The following ZNF423 variants were observed in gnomAD, a reference collection of about 807,000 sequenced individuals.
The protein encoded by ZNF423 is Ebf-associated zinc finger protein.
Under a neutral mutation model 95.8 loss-of-function variants are expected in ZNF423, and 12 were observed. The ratio of observed to expected loss-of-function variants is 0.13; its 90% CI spans 0.08 to 0.20. The LOEUF (loss-of-function observed/expected upper bound fraction) is 0.20. Ranked by LOEUF, ZNF423 falls within the 10% of genes least tolerant of loss-of-function variation. ZNF423 has a pLI of 1.00. For missense variants in ZNF423, 1,316 were observed against 1,737.1 expected, an observed-to-expected ratio of 0.76 and a Z score of 4.31; for synonymous variants, 749 against 711.9, an observed-to-expected ratio of 1.05 and a Z score of -0.83.
Position 49,581,141 on chromosome 16 carries a change from T to C in ZNF423, c.3601+45029A>G, listed in dbSNP as rs577362048. On this transcript the variant is annotated intron_variant, in intron 5 of 7. Coordinates refer to ENST00000563137, the MANE Select transcript of ZNF423 (RefSeq NM_001379286.1). The stretch of plus-strand genomic sequence containing the variant: ...AAACAAGGGGGGAAGAGAGGCGGTA[T>C]GTTCCTCCAGCCCCACTGATGTGGG... 7.3e-4 allele frequency among the ~76,000 whole-genome samples: 109 copies of C among 149,894 alleles called. 1 individual carries two copies. The highest frequency in any genetic ancestry group is 2.6e-3 in the African/African-American group (105 of 41,046).
intron 3 of ZNF423, among the ~76,000 whole-genome samples, chr16:49,679,989 C>T (rs963421957): frequency 2.0e-5 from 3 of 152,186 alleles, no homozygotes; most frequent in African/African-American, 4.8e-5. Context: ...CCTGACTCTT[C>T]AGGACAACCT....
intron 5 of ZNF423, 97 bp from the exon 6 acceptor site, chr16:49,525,591 T>C: frequency 6.5e-7 from 1 of 1,535,036 alleles, no homozygotes; most frequent in Non-Finnish European, 8.8e-7. Flanking sequence ...CTAACCCCCC[T>C]CCAATCCCCA....
At chr16:49,712,463 T>C (rs879855779) in intron 3 of ZNF423, among the ~76,000 whole-genome samples, 14 of 152,252 alleles carry the variant, frequency 9.2e-5, no homozygotes, top group Non-Finnish European at 1.9e-4. Context: ...AATCCACTGA[T>C]AGAGGGCTAC....
At chr16:49,523,069 G>C (rs1968463500) in intron 7 of ZNF423, among the ~76,000 whole-genome samples, 1 of 152,186 alleles carries the variant, frequency 6.6e-6, no homozygotes, top group Non-Finnish European at 1.5e-5. Flanking sequence ...CACAGGCTGG[G>C]GATGAGGATG....
intron 1 of ZNF423, among the ~76,000 whole-genome samples, chr16:49,815,899 T>C (rs1201917336): frequency 1.2e-4 from 6 of 49,496 alleles, no homozygotes; most frequent in African/African-American, 5.0e-4. Flanking sequence ...TATATATATA[T>C]ATATATATAT....
intron 1 of ZNF423, chr16:49,854,408 A>AGCCC: frequency 1.0e-6 from 1 of 982,494 alleles, no homozygotes. Flanking sequence ...AGTTCCAGCC[A>AGCCC]TTCCAGCCAG....
chr16:49,553,745 T>C (rs765285321), intron 5 of ZNF423, among the ~76,000 whole-genome samples: 5 of 152,174 alleles, frequency 3.3e-5, no homozygotes, highest in Non-Finnish European at 7.3e-5. Context: ...TAACAACCAC[T>C]CTTAGTAGAT....
chr16:49,669,512 A>T (rs1422902572), intron 3 of ZNF423, among the ~76,000 whole-genome samples: 2 of 152,216 alleles, frequency 1.3e-5, no homozygotes, highest in Non-Finnish European at 2.9e-5. Context: ...TTCTTAAGCT[A>T]AGCCCAGCAG....
chr16:49,647,807 G>C (rs1445480222), intron 3 of ZNF423, among the ~76,000 whole-genome samples: 2 of 152,182 alleles, frequency 1.3e-5, no homozygotes, highest in Admixed American at 6.5e-5. Flanking sequence ...TTTGTTTGTT[G>C]TTTTAAGCCA....
At chr16:49,814,308 T>C (rs12921770) in intron 1 of ZNF423, among the ~76,000 whole-genome samples, 13,174 of 152,080 alleles carry the variant, frequency 0.087, 718 homozygotes, top group African/African-American at 0.15. Flanking sequence ...ATCCCCGACA[T>C]GTCCTGTGCC....
At chr16:49,661,253 G>A (rs1442466198) in intron 3 of ZNF423, among the ~76,000 whole-genome samples, 2 of 151,666 alleles carry the variant, frequency 1.3e-5, no homozygotes, top group East Asian at 1.9e-4. Flanking sequence ...CTCAACAGTG[G>A]GATTTGGGGT....
At chr16:49,817,916 T>TC (rs1274296148) in intron 1 of ZNF423, among the ~76,000 whole-genome samples, 1 of 152,028 alleles carries the variant, frequency 6.6e-6, no homozygotes, top group African/African-American at 2.4e-5. Context: ...GTACCAGGCC[T>TC]CCAACCCGCC....
Position 49,761,019 on chromosome 16 carries a change from T to A in ZNF423, c.100+28468A>T, listed in dbSNP as rs1171274462. The stretch of plus-strand genomic sequence containing the variant: ...GCACACATATATACACATAAACACA[T>A]GCACACGTACACACACATGCACACA... On this transcript the variant is annotated intron_variant, in intron 2 of 7. Coordinates refer to ENST00000563137, the MANE Select transcript of ZNF423 (RefSeq NM_001379286.1). 2.7e-5 allele frequency among the ~76,000 whole-genome samples: 4 copies of A among 148,402 alleles called. No homozygotes were observed. The Admixed American group carries it at 2.7e-4, about 10-fold the overall frequency.
chr16:49,840,594 G>A (rs972437202), intron 1 of ZNF423, among the ~76,000 whole-genome samples: 3 of 152,188 alleles, frequency 2.0e-5, no homozygotes, highest in Non-Finnish European at 4.4e-5. Flanking sequence ...TCTGAATCAC[G>A]CAAGCAATTT....
chr16:49,795,251 C>A (rs1183105951), intron 1 of ZNF423, among the ~76,000 whole-genome samples: 2 of 152,092 alleles, frequency 1.3e-5, no homozygotes, highest in Non-Finnish European at 2.9e-5. Flanking sequence ...TTGTTCAGAA[C>A]CAGGCAGTGG....
intron 1 of ZNF423, among the ~76,000 whole-genome samples, chr16:49,816,315 T>G (rs1330147255): frequency 6.6e-6 from 1 of 152,146 alleles, no homozygotes; most frequent in Non-Finnish European, 1.5e-5. Flanking sequence ...CCCCCAGGAT[T>G]TCAAAGCAGG....
chr16:49,646,568 C>CTTTTT lies in ZNF423; in HGVS notation c.302-7699_302-7695dup, dbSNP rs1194511671. On this transcript the variant is annotated intron_variant, in intron 3 of 7. Transcript: ENST00000563137. The stretch of plus-strand genomic sequence containing the variant: ...TACTGTTTATGGCACATTTTCTTTT[C>CTTTTT]TTTTTCTTTTTTTTTTTTTTGAGAA... Among the ~76,000 whole-genome samples the CTTTTT allele has an allele frequency of 4.2e-4, 51 of 120,720 alleles. 1 individual carries two copies. Among genetic ancestry groups the CTTTTT allele is most frequent in the Middle Eastern group, 4.0e-3 (1 of 250 alleles). 79.2% of individuals were successfully genotyped at this position (120,720 alleles called of 152,430 possible). A position where few individuals can be genotyped will look rare whatever the true frequency, so the allele number is the denominator to read the frequency against.
chr16:49,768,349 C>T (rs1300898092), intron 2 of ZNF423, among the ~76,000 whole-genome samples: 1 of 152,232 alleles, frequency 6.6e-6, no homozygotes, highest in African/African-American at 2.4e-5. Context: ...CAAGCAAAGG[C>T]TGTTTTAGCA....
At position 49,492,619 on chromosome 16, in the gene ZNF423, C is replaced by T. The variant is rs938773818; in HGVS notation, c.3850-1315G>A. ...CCGACCCTTCCTGCGAGCTCCCGGCCGGGAAGAGGCAGCCCGCGCCTGCCT... is the reference window on the plus strand; with the variant it reads ...CCGACCCTTCCTGCGAGCTCCCGGCTGGGAAGAGGCAGCCCGCGCCTGCCT... On this transcript the variant is annotated intron_variant, in intron 7 of 7. Coordinates refer to ENST00000563137, the MANE Select transcript of ZNF423 (RefSeq NM_001379286.1). The surrounding 1 kb of genome is among the most constrained non-coding windows in gnomAD (Gnocchi z 4.2). Among the ~76,000 whole-genome samples the T allele has an allele frequency of 2.0e-5, 3 of 152,136 alleles. No individual in the cohort carries two copies. Among genetic ancestry groups the T allele is most frequent in the African/African-American group, 4.8e-5 (2 of 41,446 alleles).
Sources: gnomAD v4.1 joint callset for allele counts (sites outside exome capture counted in the v4.1 genomes callset) on GRCh38, gnomAD v4.1.1 for gene constraint, Gnocchi (gnomAD v3.1) non-coding constraint, MANE v1.5 for transcripts, NCBI Gene and HGNC (gene_info 2026-07-23, HGNC 2026-07-21) for gene names.